Variants in ZNF597 observed in about 807,000 individuals in gnomAD.
The protein encoded by ZNF597 is zinc finger protein 597.
ZNF597 carries 5 observed loss-of-function variants against 7.3 expected under a neutral mutation model. That is an observed-to-expected ratio of 0.68 (90% CI 0.36 to 1.44). The LOEUF (loss-of-function observed/expected upper bound fraction) is 1.44, where lower values mean the gene tolerates loss of function less well. Among genes scored for constraint, ZNF597 ranks in the 40% most tolerant of loss-of-function variants. The pLI is 0.04. For missense variants in ZNF597, 585 were observed against 517.9 expected, an observed-to-expected ratio of 1.13 and a Z score of -1.26; for synonymous variants, 209 against 185.4, an observed-to-expected ratio of 1.13 and a Z score of -1.04.
intron 3 of ZNF597, among the ~76,000 whole-genome samples, chr16:3,440,208 T>C (rs17136411): frequency 0.046 from 6,954 of 152,292 alleles, 375 homozygotes; most frequent in African/African-American, 0.13. Context: ...CTTTAGCAAA[T>C]GATAGTGATC....
rs1303623216 is a variant in ZNF597 at position 3,435,028 on chromosome 16, A to G, written c.*1396T>C. 2.0e-5 allele frequency: 3 copies of G among 152,232 alleles called. No homozygotes were observed. Among genetic ancestry groups the G allele is most frequent in the Non-Finnish European group, 4.4e-5 (3 of 68,042 alleles). The allele number at this position is 152,232 out of a possible 1,614,324, so 9.4% of individuals were successfully genotyped here. ...TATTTTGCTCCAGTATTTATCTATA[A>G]TAGCAATATCTAAAGATCTATATAT... On this transcript the variant is annotated 3_prime_UTR_variant, in exon 4 of 4. Transcript: ENST00000301744.
rs1340755043 is a variant in ZNF597, at chr16:3,435,998, A to T, written c.*426T>A. ...CATTCAAATAGTTATAGCAAAAAAA[A>T]GTATAAAACATATAAAAGCATTTAC... On this transcript the variant is annotated 3_prime_UTR_variant, in exon 4 of 4. Transcript: ENST00000301744. The T allele has an allele frequency of 1.2e-5, 2 of 160,870 alleles. No individual in the cohort carries two copies. Among genetic ancestry groups the T allele is most frequent in the Non-Finnish European group, 2.7e-5 (2 of 73,744 alleles). The allele number at this position is 160,870 out of a possible 1,614,324, so 10.0% of individuals were successfully genotyped here.
intron 3 of ZNF597, 121 bp from the exon 4 acceptor site, chr16:3,437,659 C>CCTT: frequency 1.4e-6 from 2 of 1,412,104 alleles, no homozygotes; most frequent in South Asian, 1.6e-5. Flanking sequence ...ATTCTATAAC[C>CCTT]CAGACACTAA....
At position 3,436,615 on chromosome 16, in the gene ZNF597, T is replaced by A; in HGVS notation, c.1084A>T (p.Ile362Phe). ...CFSELISHQN[I>F]HTEERPHKCK... ...TTATGGGGCCTTTCCTCTGTATGAA[T>A]GTTCTGATGGGAAATAAGCTCAGAG... The change falls in exon 4 of 4, where the codon ATT becomes TTT. Residue 362 changes from isoleucine (I) to phenylalanine (F), a missense_variant. By Grantham distance (21) the Ile-to-Phe change is conservative. Coordinates refer to ENST00000301744, the MANE Select transcript of ZNF597 (RefSeq NM_152457.3). 6.2e-7 allele frequency: 1 copy of A among 1,605,690 alleles called. No individual in the cohort carries two copies. The highest frequency in any genetic ancestry group is 8.5e-7 in the Non-Finnish European group (1 of 1,175,416).
In ZNF597 at chr16:3,433,978, A is replaced by C. The variant is rs981147791; in HGVS notation, c.*2446T>G. On this transcript the variant is annotated 3_prime_UTR_variant, in exon 4 of 4. Transcript: ENST00000301744. ...TCTTCCAAAATCTGGAGAAAACTGC[A>C]AAAAAAAAAATTAGAGGTTAATTGT... 5 of 77,914 alleles carry C rather than the reference A, an allele frequency of 6.4e-5. No individual in the cohort carries two copies. Among genetic ancestry groups the C allele is most frequent in the African/African-American group, 2.2e-4 (3 of 13,498 alleles). The allele number at this position is 77,914 out of a possible 1,614,324, so 4.8% of individuals were successfully genotyped here.
At chr16:3,443,031 A>G in intron 2 of ZNF597, 90 bp downstream of exon 2, 2 of 1,526,674 alleles carry the variant, frequency 1.3e-6, no homozygotes, top group Non-Finnish European at 1.8e-6. Context: ...TCCTACCACA[A>G]CAGGCATGCC....
intron 3 of ZNF597, among the ~76,000 whole-genome samples, chr16:3,438,322 G>A (rs2034326372): frequency 6.6e-6 from 1 of 152,010 alleles, no homozygotes. Context: ...CACTTTGGGA[G>A]GCCGAGGCGG....
In ZNF597 at chr16:3,432,621, C is replaced by T. The variant is rs1321628459; in HGVS notation, c.*3803G>A. 1 of 152,112 alleles carries T rather than the reference C, an allele frequency of 6.6e-6. No homozygotes were observed. 9.4% of individuals were successfully genotyped at this position (152,112 alleles called of 1,614,324 possible). ...AACTGGAGATTACAGCACATTCTTA[C>T]GTTTACACAGAAGAATATTTATATT... On this transcript the variant is annotated 3_prime_UTR_variant, in exon 4 of 4. Coordinates refer to ENST00000301744, the MANE Select transcript of ZNF597 (RefSeq NM_152457.3).
chr16:3,436,750 T>C lies in ZNF597; in HGVS notation c.949A>G (p.Ser317Gly), dbSNP rs1308027331. The stretch of plus-strand genomic sequence containing the variant: ...CAGCGTTCAGAGTCCTCGTCGTGGC[T>C]CTTCTCGGAAAGGGCAGGATATAAG... ...QSLYPALSEK[S>G]HDEDSERCSD... Residue 317 changes from serine (S) to glycine (G), a missense_variant, in exon 4 of 4, where the codon AGC becomes GGC. Transcript: ENST00000301744. 1 of 1,613,958 alleles carries C rather than the reference T, an allele frequency of 6.2e-7. No homozygotes were observed.
In ZNF597 at chr16:3,443,141, G is replaced by T. The variant is rs777534748; in HGVS notation, c.13C>A (p.Pro5Thr). MASM[P>T]PTPEAQGPIL... Reference sequence around the variant, plus strand: ...CTCACCTGGGCCTCGGGCGTCGGGGGCATGGACGCCATTTGGCGGGTGGGG... The same window carrying T: ...CTCACCTGGGCCTCGGGCGTCGGGGTCATGGACGCCATTTGGCGGGTGGGG... Residue 5 changes from proline to threonine, a missense_variant, in exon 2 of 4, where the codon CCC (proline) becomes ACC (threonine). By Grantham distance (38) the Pro-to-Thr change is conservative. Transcript: ENST00000301744. 5 of 1,613,452 alleles carry T rather than the reference G, an allele frequency of 3.1e-6. No homozygotes were observed. The highest frequency in any genetic ancestry group is 4.2e-6 in the Non-Finnish European group (5 of 1,179,764).
At position 3,435,334 on chromosome 16, in the gene ZNF597, C is replaced by G. The variant is rs2034289366; in HGVS notation, c.*1090G>C. ...TCCAGGATGCAAGCACACAGAATCGCCTCCATGAGGACCACCCTCACCTAT... is the reference window on the plus strand; with the variant it reads ...TCCAGGATGCAAGCACACAGAATCGGCTCCATGAGGACCACCCTCACCTAT... On this transcript the variant is annotated 3_prime_UTR_variant, in exon 4 of 4. Transcript: ENST00000301744. 1 of 152,214 alleles carries G rather than the reference C, an allele frequency of 6.6e-6. No individual in the cohort carries two copies. Among genetic ancestry groups the G allele is most frequent in the African/African-American group, 2.4e-5 (1 of 41,446 alleles). The allele number at this position is 152,214 out of a possible 1,614,324, so 9.4% of individuals were successfully genotyped here.
In ZNF597 at chr16:3,436,593, T is replaced by C. The variant is rs138851156; in HGVS notation, c.1106A>G (p.His369Arg). ...ACTTTCCTCGCATGTTTTGCACTTA[T>C]GGGGCCTTTCCTCTGTATGAATGTT... ...HQNIHTEERP[H>R]KCKTCEESFA... The change falls in exon 4 of 4, where the codon CAT becomes CGT. Residue 369 changes from histidine to arginine, a missense_variant. Coordinates refer to ENST00000301744, the MANE Select transcript of ZNF597 (RefSeq NM_152457.3). 325 of 1,608,138 alleles carry C rather than the reference T, an allele frequency of 2.0e-4. No homozygotes were observed. In the African/African-American group the frequency reaches 3.9e-3, roughly 19 times the overall value.
In ZNF597 at chr16:3,433,519, G is replaced by C. The variant is rs1179868954; in HGVS notation, c.*2905C>G. The C allele has an allele frequency of 6.6e-6, 1 of 152,174 alleles. No homozygotes were observed. The highest frequency in any genetic ancestry group is 2.4e-5 in the African/African-American group (1 of 41,428). The allele number at this position is 152,174 out of a possible 1,614,324, so 9.4% of individuals were successfully genotyped here. A position where few individuals can be genotyped will look rare whatever the true frequency, so the allele number is the denominator to read the frequency against. ...CAATCATTCATAGCAATAAACTCTTGCATTTAGTTTTTCATTCCCATATTA... is the reference window on the plus strand; with the variant it reads ...CAATCATTCATAGCAATAAACTCTTCCATTTAGTTTTTCATTCCCATATTA... On this transcript the variant is annotated 3_prime_UTR_variant, in exon 4 of 4. Transcript: ENST00000301744.
chr16:3,438,253 G>C (rs942418360), intron 3 of ZNF597, among the ~76,000 whole-genome samples: 14 of 150,584 alleles, frequency 9.3e-5, no homozygotes, highest in African/African-American at 3.4e-4. Context: ...AGAATGAGTG[G>C]GAAAGAAAAT....
rs1466029947 is a variant in ZNF597 at position 3,433,110 on chromosome 16, G to A, written c.*3314C>T. 1 of 152,172 alleles carries A rather than the reference G, an allele frequency of 6.6e-6. No individual in the cohort carries two copies. The highest frequency in any genetic ancestry group is 2.1e-4 in the South Asian group (1 of 4,834). The allele number at this position is 152,172 out of a possible 1,614,324, so 9.4% of individuals were successfully genotyped here. ...GCATTTGCTGTGAAATGTCATTTGA[G>A]TTTTAACTCCCTGAATTATTGGGTT... On this transcript the variant is annotated 3_prime_UTR_variant, in exon 4 of 4. Transcript: ENST00000301744.
Position 3,443,382 on chromosome 16 carries a change from C to T in ZNF597, c.-76G>A. ...TACCGCTCCGCGGTTAATAACAGGC[C>T]TCGCGCTCCCTGACAGGAGCTGCAG... On this transcript the variant is annotated 5_prime_UTR_variant, in exon 1 of 4. Transcript: ENST00000301744. 1 of 554,278 alleles carries T rather than the reference C, an allele frequency of 1.8e-6. No homozygotes were observed. Among genetic ancestry groups the T allele is most frequent in the South Asian group, 2.5e-5 (1 of 40,758 alleles). The allele number at this position is 554,278 out of a possible 1,614,324, so 34.3% of individuals were successfully genotyped here.
In ZNF597 at chr16:3,437,462, C is replaced by T; in HGVS notation, c.237G>A (p.Lys79=). 1.2e-6 allele frequency: 2 copies of T among 1,614,140 alleles called. No individual in the cohort carries two copies. Among genetic ancestry groups the T allele is most frequent in the Non-Finnish European group, 1.7e-6 (2 of 1,180,036 alleles). ...GGACAAGGGGTGCAGCAATGGGGTACTTTTCTAAGGCAAGCTCGTCAAGTT... is the reference window on the plus strand; with the variant it reads ...GGACAAGGGGTGCAGCAATGGGGTATTTTTCTAAGGCAAGCTCGTCAAGTT... ...SMELDELALE[K]YPIAAPLVPY... The change falls in exon 4 of 4, where the codon AAG becomes AAA. Residue 79 remains lysine (K), a synonymous_variant. Transcript: ENST00000301744.
rs750221871 is a variant in ZNF597, at chr16:3,436,556, G to A, written c.1143C>T (p.Asp381=). ...CKTCEESFAL[D]SELACHQKSH... is the part of the protein sequence containing the mutation. ...TCTTCTGGTGGCATGCAAGTTCTGAGTCCAAAGCAAAACTTTCCTCGCATG... is the reference window on the plus strand; with the variant it reads ...TCTTCTGGTGGCATGCAAGTTCTGAATCCAAAGCAAAACTTTCCTCGCATG... The change falls in exon 4 of 4, where the codon GAC becomes GAT. Residue 381 remains aspartate, a synonymous_variant. Transcript: ENST00000301744. The A allele has an allele frequency of 1.9e-6, 3 of 1,613,628 alleles. No homozygotes were observed. The highest frequency in any genetic ancestry group is 2.5e-6 in the Non-Finnish European group (3 of 1,179,772).
intron 2 of ZNF597, 39 bp downstream of exon 2, chr16:3,443,082 G>A: frequency 1.2e-6 from 2 of 1,613,910 alleles, no homozygotes; most frequent in Non-Finnish European, 1.7e-6. Flanking sequence ...GAGACCGAAA[G>A]CAGCAATAAA....
Sources: allele counts gnomAD v4.1 joint callset (sites outside exome capture counted in the v4.1 genomes callset), GRCh38; gene constraint gnomAD v4.1.1; transcripts MANE v1.5; gene names NCBI Gene and HGNC (gene_info 2026-07-23, HGNC 2026-07-21).